The following RYR2 variants were observed in gnomAD, a reference collection of about 807,000 sequenced individuals.
The protein encoded by RYR2 is ryanodine receptor 2.
In RYR2, 227 loss-of-function variants were observed where a neutral mutation model predicts 601.1. The ratio of observed to expected loss-of-function variants is 0.38; its 90% CI spans 0.34 to 0.42. The LOEUF (loss-of-function observed/expected upper bound fraction) is 0.42, where lower values mean the gene tolerates loss of function less well. Among genes scored for constraint, RYR2 ranks in the 10% least tolerant of loss-of-function variants. RYR2 has a pLI of 1.00. For synonymous variants in RYR2, 2,223 were observed against 2,175.1 expected (o/e 1.02, Z -0.61); for missense variants, 4,646 against 6,156.5 (o/e 0.75, Z 8.21).
intron 1 of RYR2, among the ~76,000 whole-genome samples, chr1:237,063,520 A>G (rs563603337): frequency 6.6e-6 from 1 of 152,166 alleles, no homozygotes; most frequent in Admixed American, 6.5e-5. Context: ...GAGTCTGTTT[A>G]TATAATACTT....
chr1:237,073,713 T>TA (rs1205072824), intron 1 of RYR2, among the ~76,000 whole-genome samples: 1 of 151,612 alleles, frequency 6.6e-6, no homozygotes, highest in African/African-American at 2.4e-5. Flanking sequence ...TCACTAAAAA[T>TA]AAAAAAAATT....
chr1:237,273,669 T>C (rs1431407244), intron 2 of RYR2, among the ~76,000 whole-genome samples: 1 of 151,972 alleles, frequency 6.6e-6, no homozygotes, highest in African/African-American at 2.4e-5. Context: ...GCTTTATAGA[T>C]GTAGTCTAAA....
At chr1:237,431,967 C>A (rs1369791967) in intron 12 of RYR2, among the ~76,000 whole-genome samples, 1 of 152,102 alleles carries the variant, frequency 6.6e-6, no homozygotes, top group African/African-American at 2.4e-5. Context: ...TCAGTTATAT[C>A]TTATTTTATA....
At position 237,693,208 on chromosome 1, in the gene RYR2, GT is replaced by G. The variant is rs201974638; in HGVS notation, c.9067+5718del. On this transcript the variant is annotated intron_variant, in intron 63 of 104. Coordinates refer to ENST00000366574, the MANE Select transcript of RYR2 (RefSeq NM_001035.3). ...TTATCCTACAATTGGTGAGAATCAT[GT>G]TTTTTTTTTTTTTCTCTTATTCCTT... Among the ~76,000 whole-genome samples the G allele has an allele frequency of 3.5e-3, 492 of 140,482 alleles. 1 individual carries two copies. Among genetic ancestry groups the G allele is most frequent in the Middle Eastern group, 7.4e-3 (2 of 272 alleles). The allele number at this position is 140,482 out of a possible 152,430, so 92.2% of individuals were successfully genotyped here. A position where few individuals can be genotyped will look rare whatever the true frequency, so the allele number is the denominator to read the frequency against.
chr1:237,763,425 T>C (rs1693589456), intron 84 of RYR2, among the ~76,000 whole-genome samples: 1 of 152,206 alleles, frequency 6.6e-6, no homozygotes, highest in Non-Finnish European at 1.5e-5. Context: ...CTTCCAAGTA[T>C]TGGGAGGCCT....
intron 29 of RYR2, 40 bp downstream of exon 29, chr1:237,569,359 C>T (rs1280881233): frequency 6.3e-7 from 1 of 1,583,530 alleles, no homozygotes; most frequent in African/African-American, 1.3e-5. Context: ...AAGTTTGCAG[C>T]ACAAGGAAGC....
intron 5 of RYR2, among the ~76,000 whole-genome samples, chr1:237,368,397 G>A (rs1287351577): frequency 2.6e-5 from 4 of 152,084 alleles, no homozygotes; most frequent in Admixed American, 6.6e-5. Context: ...GTTGTATTCC[G>A]AGATGGGGCA....
intron 1 of RYR2, among the ~76,000 whole-genome samples, chr1:237,055,646 T>G (rs1487996815): frequency 6.6e-6 from 1 of 152,126 alleles, no homozygotes; most frequent in Non-Finnish European, 1.5e-5. Flanking sequence ...AGGGGAGGTT[T>G]CAGGGGAAGG....
At chr1:237,494,461 C>T (rs1663806013) in intron 19 of RYR2, among the ~76,000 whole-genome samples, 1 of 152,134 alleles carries the variant, frequency 6.6e-6, no homozygotes, top group African/African-American at 2.4e-5. Flanking sequence ...GTGCTGGCAG[C>T]TGATTAGATG....
rs749246475 is a variant in RYR2 at position 237,610,309 on chromosome 1, G to A, written c.4684-453G>A. Among the ~76,000 whole-genome samples the A allele has an allele frequency of 1.3e-5, 2 of 152,204 alleles. No individual in the cohort carries two copies. The highest frequency in any genetic ancestry group is 2.9e-5 in the Non-Finnish European group (2 of 68,038). On this transcript the variant is annotated intron_variant, in intron 35 of 104. Transcript: ENST00000366574. The surrounding 1 kb of genome is among the most constrained non-coding windows in gnomAD (Gnocchi z 4.9). ...TTTATCTGGAATACTTCTGGCTAGA[G>A]GAAGTGTCTTAAGGACGAGTTGGGT...
intron 16 of RYR2, among the ~76,000 whole-genome samples, chr1:237,466,334 T>C (rs541147342): frequency 1.3e-5 from 2 of 151,740 alleles, no homozygotes; most frequent in South Asian, 2.1e-4. Context: ...CCTGGAAAAA[T>C]TTTTTAAAAA....
chr1:237,109,299 T>C (rs1246446140), intron 1 of RYR2, among the ~76,000 whole-genome samples: 2 of 152,004 alleles, frequency 1.3e-5, no homozygotes, highest in Non-Finnish European at 2.9e-5. Flanking sequence ...TTCCAGTTTA[T>C]ATTTTTTGAA....
At chr1:237,590,169 C>T (rs1674993756) in intron 30 of RYR2, among the ~76,000 whole-genome samples, 168 bp downstream of exon 30, 1 of 151,620 alleles carries the variant, frequency 6.6e-6, no homozygotes, top group Non-Finnish European at 1.5e-5. Context: ...TACCAGCTAT[C>T]AGTGGATGGG....
Position 237,788,088 on chromosome 1 carries a change from G to C in RYR2, c.13429G>C (p.Glu4477Gln). The C allele has an allele frequency of 6.2e-7, 1 of 1,612,382 alleles. No individual in the cohort carries two copies. Among genetic ancestry groups the C allele is most frequent in the Non-Finnish European group, 8.5e-7 (1 of 1,179,096 alleles). The change falls in exon 92 of 105, where the codon GAG becomes CAG. Residue 4477 changes from glutamate to glutamine, a missense_variant. Coordinates refer to ENST00000366574, the MANE Select transcript of RYR2 (RefSeq NM_001035.3). ...CAGATACGGAGAACCAGAAGTGCCA[G>C]AGTCAGCATTCTGGAAGAAAATCAT... ...THRYGEPEVP[E>Q]SAFWKKIIAY...
chr1:237,378,252 G>A (rs1006052486), intron 8 of RYR2, among the ~76,000 whole-genome samples: 2 of 152,250 alleles, frequency 1.3e-5, no homozygotes, highest in Non-Finnish European at 2.9e-5. Context: ...CACAACATGT[G>A]GGAATTCAAG....
At chr1:237,177,495 A>G (rs1026686904) in intron 1 of RYR2, among the ~76,000 whole-genome samples, 1 of 152,198 alleles carries the variant, frequency 6.6e-6, no homozygotes, top group Non-Finnish European at 1.5e-5. Flanking sequence ...TAAAAACTGC[A>G]TACGAGCATG....
chr1:237,709,454 A>G, intron 69 of RYR2, 26 bp from the exon 70 acceptor site: 2 of 1,475,222 alleles, frequency 1.4e-6, no homozygotes, highest in Middle Eastern at 3.4e-4. Flanking sequence ...TAGCTGAGAA[A>G]CCACTTTATT....
At chr1:237,552,677 G>A (rs1670521755) in intron 27 of RYR2, among the ~76,000 whole-genome samples, 1 of 151,840 alleles carries the variant, frequency 6.6e-6, no homozygotes, top group Non-Finnish European at 1.5e-5. Flanking sequence ...TCATCATGAT[G>A]CTTTTATGAT....
chr1:237,691,461 C>T (rs1329018993), intron 63 of RYR2, among the ~76,000 whole-genome samples: 1 of 152,054 alleles, frequency 6.6e-6, no homozygotes. Context: ...TATCTCCAAA[C>T]CTCGCCTGTG....
Sources: allele counts gnomAD v4.1 joint callset (sites outside exome capture counted in the v4.1 genomes callset), GRCh38; gene constraint gnomAD v4.1.1; non-coding constraint Gnocchi (gnomAD v3.1); transcripts MANE v1.5; gene names NCBI Gene and HGNC (gene_info 2026-07-23, HGNC 2026-07-21).